The following CNBD1 variants were observed in gnomAD, a reference collection of about 807,000 sequenced individuals.
CNBD1 encodes the protein cyclic nucleotide binding domain containing 1.
A neutral mutation model predicts 54.4 loss-of-function variants in CNBD1; 71 were observed. The observed-to-expected ratio is 1.30, with a 90% CI of 1.08 to 1.59. The LOEUF (loss-of-function observed/expected upper bound fraction) is 1.59, where lower values mean the gene tolerates loss of function less well. CNBD1 is among the 40% of genes most tolerant of loss of function. The pLI, the probability that CNBD1 is intolerant of heterozygous loss-of-function variation, is 0.00. For missense variants in CNBD1, 659 were observed against 518.0 expected (o/e 1.27, Z -2.64); for synonymous variants, 182 against 170.7 (o/e 1.07, Z -0.51).
intron 2 of CNBD1, among the ~76,000 whole-genome samples, chr8:86,887,854 T>A (rs1367147551): frequency 6.6e-6 from 1 of 152,112 alleles, no homozygotes; most frequent in African/African-American, 2.4e-5. Flanking sequence ...TGGCTCTTTG[T>A]AGTACTTAAA....
At chr8:87,187,710 C>A (rs1304435888) in intron 4 of CNBD1, among the ~76,000 whole-genome samples, 1 of 152,086 alleles carries the variant, frequency 6.6e-6, no homozygotes, top group Non-Finnish European at 1.5e-5. Flanking sequence ...TTTCTTGACC[C>A]TTAAGTTCAC....
rs553914521 is a variant in CNBD1, at chr8:87,382,757, C to T, written c.*130C>T. The T allele has an allele frequency of 8.1e-5, 44 of 542,332 alleles. No homozygotes were observed. Among genetic ancestry groups the T allele is most frequent in the African/African-American group, 7.9e-4 (41 of 52,160 alleles). 33.6% of individuals were successfully genotyped at this position (542,332 alleles called of 1,614,324 possible). ...ATTGTGACTACATATCCTGGATTCC[C>T]CAGGAAAGTCCCACTTTCGAATTGC... On this transcript the variant is annotated 3_prime_UTR_variant, in exon 11 of 11. Transcript: ENST00000518476.
At chr8:87,305,038 C>T (rs1809111910) in intron 8 of CNBD1, among the ~76,000 whole-genome samples, 1 of 152,100 alleles carries the variant, frequency 6.6e-6, no homozygotes, top group Non-Finnish European at 1.5e-5. Context: ...GCTCCTAGAA[C>T]TGATATAAGA....
At chr8:87,315,524 C>T (rs971542674) in intron 8 of CNBD1, among the ~76,000 whole-genome samples, 5 of 151,650 alleles carry the variant, frequency 3.3e-5, no homozygotes, top group African/African-American at 1.2e-4. Flanking sequence ...TGGTGAGAGA[C>T]AAAGCAAAAG....
chr8:87,399,520 C>G (rs528738923), intron 2 of CNBD1, among the ~76,000 whole-genome samples: 5 of 152,080 alleles, frequency 3.3e-5, no homozygotes, highest in East Asian at 1.9e-4. Flanking sequence ...AAATCTGGGC[C>G]AGCACTTACA....
At chr8:87,070,785 T>C (rs1336761107) in intron 4 of CNBD1, among the ~76,000 whole-genome samples, 1 of 152,042 alleles carries the variant, frequency 6.6e-6, no homozygotes, top group African/African-American at 2.4e-5. Context: ...GCAGTAAATA[T>C]TTGTTAAGTA....
intron 10 of CNBD1, among the ~76,000 whole-genome samples, chr8:87,358,885 A>C (rs1810475424): frequency 6.6e-6 from 1 of 152,174 alleles, no homozygotes. Context: ...ATCTTAGCTG[A>C]AGAAGAGATA....
chr8:87,367,920 C>T (rs1810675189), intron 10 of CNBD1, among the ~76,000 whole-genome samples: 2 of 152,042 alleles, frequency 1.3e-5, no homozygotes, highest in Admixed American at 6.6e-5. Context: ...GCCTATAATT[C>T]CAGCACTTTG....
chr8:87,225,364 G>C (rs1814457679), intron 5 of CNBD1, among the ~76,000 whole-genome samples: 1 of 151,900 alleles, frequency 6.6e-6, no homozygotes, highest in African/African-American at 2.4e-5. Flanking sequence ...CATTCAGTAT[G>C]ATATTGGCTG....
chr8:87,173,459 A>G (rs984758634), intron 4 of CNBD1, among the ~76,000 whole-genome samples: 8 of 152,158 alleles, frequency 5.3e-5, no homozygotes, highest in African/African-American at 1.9e-4. Flanking sequence ...CATTTCTTGT[A>G]GCATAGGTCT....
chr8:87,059,563 C>T (rs1259583734), intron 4 of CNBD1, among the ~76,000 whole-genome samples: 3 of 152,174 alleles, frequency 2.0e-5, no homozygotes, highest in Non-Finnish European at 4.4e-5. Context: ...GCAAACACAT[C>T]CTTCTTCACA....
In CNBD1 at chr8:86,962,949, C is replaced by T. The variant is rs146105430; in HGVS notation, c.431+23195C>T. On this transcript the variant is annotated intron_variant, in intron 4 of 10. Coordinates refer to ENST00000518476, the MANE Select transcript of CNBD1 (RefSeq NM_173538.3). ...AAGGGGAAAAAGCTATTTTCTTTCT[C>T]CAGCCTGAGGGTCAAAGGAGTCCAG... Among the ~76,000 whole-genome samples the T allele has an allele frequency of 7.6e-4, 116 of 152,244 alleles. 1 individual carries two copies. The highest frequency in any genetic ancestry group is 1.1e-3 in the Non-Finnish European group (72 of 68,018).
chr8:87,349,529 C>A (rs1347058602), intron 8 of CNBD1, among the ~76,000 whole-genome samples: 1 of 152,138 alleles, frequency 6.6e-6, no homozygotes, highest in Non-Finnish European at 1.5e-5. Flanking sequence ...GTGCGCGCCA[C>A]CAGGCCCAAC....
chr8:86,953,541 T>C (rs907846629), intron 4 of CNBD1, among the ~76,000 whole-genome samples: 1 of 152,168 alleles, frequency 6.6e-6, no homozygotes, highest in Admixed American at 6.5e-5. Flanking sequence ...CACTAAAATA[T>C]GGCCTGAAGA....
rs1352896733 is a variant in CNBD1, at chr8:87,379,090, T to G, written c.1304-3530T>G. ...GGGGTTTTCTAGATATACAATCATG[T>G]CATCTGCAAACAGGGACAATTTGAC... On this transcript the variant is annotated intron_variant, in intron 10 of 10. Transcript: ENST00000518476. Among the ~76,000 whole-genome samples, 4 of 151,342 alleles carry G rather than the reference T, an allele frequency of 2.6e-5. No homozygotes were observed. The South Asian group carries it at 8.3e-4, about 32-fold the overall frequency.
At chr8:87,385,619 G>T (rs990576716), downstream of CNBD1, among the ~76,000 whole-genome samples, 2 of 152,144 alleles carry the variant, frequency 1.3e-5, no homozygotes, top group African/African-American at 4.8e-5. Context: ...AAGTGGCTGG[G>T]AAGCTGGAAC....
At chr8:87,351,043 C>A (rs977363983) in intron 8 of CNBD1, among the ~76,000 whole-genome samples, 2 of 152,096 alleles carry the variant, frequency 1.3e-5, no homozygotes, top group African/African-American at 4.8e-5. Context: ...ATGCTAAATA[C>A]TTTATATGCC....
chr8:87,317,354 A>T (rs1462512002), intron 8 of CNBD1, among the ~76,000 whole-genome samples: 1 of 151,650 alleles, frequency 6.6e-6, no homozygotes, highest in Non-Finnish European at 1.5e-5. Context: ...TTTGATGTAT[A>T]CACACATTTT....
At chr8:87,343,071 T>C (rs1048902353) in intron 8 of CNBD1, among the ~76,000 whole-genome samples, 52 of 152,238 alleles carry the variant, frequency 3.4e-4, no homozygotes, top group African/African-American at 1.3e-3. Flanking sequence ...TCCCCAGGGT[T>C]ATTCCTTGCT....
Sources: gnomAD v4.1 joint callset for allele counts (sites outside exome capture counted in the v4.1 genomes callset) on GRCh38, gnomAD v4.1.1 for gene constraint, MANE v1.5 for transcripts, NCBI Gene and HGNC (gene_info 2026-07-23, HGNC 2026-07-21) for gene names.